Variants in PARP4 observed in about 807,000 individuals in gnomAD.
PARP4 encodes poly(ADP-ribose) polymerase family member 4.
A neutral mutation model predicts 187.7 loss-of-function variants in PARP4; 120 were observed. That is an observed-to-expected ratio of 0.64 (90% CI 0.55 to 0.74). The LOEUF (loss-of-function observed/expected upper bound fraction) is 0.74. Among genes scored for constraint, PARP4 ranks in the 30% least tolerant of loss-of-function variants. The probability of loss-of-function intolerance (pLI) is 0.00; values close to 1 mark genes in which losing one functional copy is unlikely to be tolerated. For missense variants in PARP4, 1,836 were observed against 2,070.5 expected, an observed-to-expected ratio of 0.89 and a Z score of 2.20; for synonymous variants, 654 against 740.9, an observed-to-expected ratio of 0.88 and a Z score of 1.90.
intron 23 of PARP4, 29 bp from the exon 24 acceptor site, chr13:24,452,622 T>A: frequency 1.3e-6 from 2 of 1,579,888 alleles, no homozygotes; most frequent in Non-Finnish European, 1.7e-6. Context: ...AAGATTATGT[T>A]CTCCTTGTTG....
At chr13:24,450,936 C>T (rs1354643294) in intron 24 of PARP4, among the ~76,000 whole-genome samples, 3 of 152,082 alleles carry the variant, frequency 2.0e-5, no homozygotes, top group Admixed American at 1.3e-4. Flanking sequence ...AGTGCAACTG[C>T]CTGACCATGG....
At chr13:24,498,287 C>T in intron 5 of PARP4, 58 bp from the exon 6 acceptor site, 1 of 986,986 alleles carries the variant, frequency 1.0e-6, no homozygotes, top group South Asian at 1.4e-5. Flanking sequence ...ACTACATGTG[C>T]CATTTGAAAA....
chr13:24,487,756 G>C (rs529017321), intron 10 of PARP4, among the ~76,000 whole-genome samples: 3 of 152,090 alleles, frequency 2.0e-5, no homozygotes, highest in East Asian at 1.9e-4. Flanking sequence ...TTGCTTCCCA[G>C]AACTCAGCAA....
At chr13:24,434,374 A>G in intron 31 of PARP4, 21 bp downstream of exon 31, 1 of 1,516,358 alleles carries the variant, frequency 6.6e-7, no homozygotes, top group South Asian at 1.3e-5. Flanking sequence ...CCACAGATTT[A>G]AGGAGAAATA....
intron 20 of PARP4, among the ~76,000 whole-genome samples, chr13:24,458,686 T>C (rs1872020469): frequency 6.6e-6 from 1 of 152,196 alleles, no homozygotes; most frequent in Non-Finnish European, 1.5e-5. Flanking sequence ...GAAACAGGTC[T>C]TTTGGAATGA....
chr13:24,479,543 T>C (rs543271404), intron 12 of PARP4, among the ~76,000 whole-genome samples: 3 of 152,236 alleles, frequency 2.0e-5, no homozygotes, highest in Admixed American at 6.5e-5. Context: ...AGTGCACCAA[T>C]TGACACTCTG....
intron 32 of PARP4, among the ~76,000 whole-genome samples, chr13:24,428,102 C>T (rs774312600): frequency 6.6e-6 from 1 of 152,122 alleles, no homozygotes; most frequent in Non-Finnish European, 1.5e-5. Flanking sequence ...GCTTGAGACT[C>T]TACGTCGAAG....
chr13:24,490,967 TG>T, intron 9 of PARP4, 139 bp from the exon 10 acceptor site: 1 of 770,682 alleles, frequency 1.3e-6, no homozygotes, highest in Non-Finnish European at 2.1e-6. Flanking sequence ...ATTTTTGAGA[TG>T]GGTCTTGCTC....
chr13:24,512,475 C>G (rs889801399), intron 1 of PARP4, among the ~76,000 whole-genome samples: 3 of 152,190 alleles, frequency 2.0e-5, no homozygotes, highest in Non-Finnish European at 4.4e-5. Context: ...CCCGGTTTCT[C>G]GTCACCAGGG....
chr13:24,484,472 A>G (rs1593637564), intron 12 of PARP4, among the ~76,000 whole-genome samples, 181 bp downstream of exon 12: 1 of 152,148 alleles, frequency 6.6e-6, no homozygotes, highest in Admixed American at 6.5e-5. Flanking sequence ...CATGTCTGGC[A>G]TAAGGGCAGA....
chr13:24,489,111 TCATGTA>T (rs2137527768), intron 10 of PARP4, among the ~76,000 whole-genome samples: 1 of 152,336 alleles, frequency 6.6e-6, no homozygotes, highest in East Asian at 1.9e-4. Flanking sequence ...CTATGAATAT[TCATGTA>T]CAAGTACCTA....
At chr13:24,437,837 G>A (rs112207959) in intron 30 of PARP4, among the ~76,000 whole-genome samples, 46,992 of 132,592 alleles carry the variant, frequency 0.35, 8,809 homozygotes, top group African/African-American at 0.41. Flanking sequence ...GTGACAGAGT[G>A]AGACTCCATC....
intron 14 of PARP4, among the ~76,000 whole-genome samples, chr13:24,476,078 C>T (rs1872968674): frequency 6.6e-6 from 1 of 152,086 alleles, no homozygotes; most frequent in Non-Finnish European, 1.5e-5. Context: ...TGAGACACTA[C>T]ACCTGGCCTG....
At chr13:24,500,627 T>C (rs561555356) in intron 3 of PARP4, among the ~76,000 whole-genome samples, 17 of 152,360 alleles carry the variant, frequency 1.1e-4, no homozygotes, top group Non-Finnish European at 2.4e-4. Flanking sequence ...TTGAAACTCA[T>C]TGATAGCCAT....
Position 24,453,693 on chromosome 13 carries a change from G to A in PARP4, c.2759-39C>T, listed in dbSNP as rs759587827. Reference sequence around the variant, plus strand: ...TCAGCATGAGGTGCTGCTTCCACACGTTCACTTGCTTGAGCACTAACAAAC... The same window carrying A: ...TCAGCATGAGGTGCTGCTTCCACACATTCACTTGCTTGAGCACTAACAAAC... On this transcript the variant is annotated intron_variant, in intron 22 of 33. Transcript: ENST00000381989. 4.0e-5 allele frequency: 46 copies of A among 1,139,932 alleles called. 2 individuals are homozygous for A. Among genetic ancestry groups the A allele is most frequent in the East Asian group, 2.3e-4 (10 of 42,690 alleles). 70.6% of individuals were successfully genotyped at this position (1,139,932 alleles called of 1,614,324 possible). A position where few individuals can be genotyped will look rare whatever the true frequency, so the allele number is the denominator to read the frequency against.
chr13:24,488,907 A>G (rs1868468993), intron 10 of PARP4, among the ~76,000 whole-genome samples: 1 of 152,250 alleles, frequency 6.6e-6, no homozygotes, highest in Non-Finnish European at 1.5e-5. Context: ...ACAGAATCGT[A>G]CAATATGTGG....
chr13:24,478,227 G>A lies in PARP4; in HGVS notation c.1498C>T (p.Leu500=), dbSNP rs139812929. The change falls in exon 13 of 34, where the codon CTG becomes TTG. Residue 500 remains leucine (L), a synonymous_variant. Coordinates refer to ENST00000381989, the MANE Select transcript of PARP4 (RefSeq NM_006437.4). ...CCGAGGGCTACGTCACAAATGAGCAGGAGTCTGGTGCCATCTGTCTCTCCC... is the reference window on the plus strand; with the variant it reads ...CCGAGGGCTACGTCACAAATGAGCAAGAGTCTGGTGCCATCTGTCTCTCCC... ...HPGETDGTRL[L]LICDVALGKC... The A allele has an allele frequency of 4.7e-5, 76 of 1,613,190 alleles. No individual in the cohort carries two copies. In the African/African-American group the frequency reaches 9.7e-4, roughly 21 times the overall value.
At chr13:24,506,409 G>A (rs560618830) in intron 1 of PARP4, among the ~76,000 whole-genome samples, 5 of 152,250 alleles carry the variant, frequency 3.3e-5, no homozygotes, top group African/African-American at 9.6e-5. Flanking sequence ...ACCCCAGCAG[G>A]TTGCCACTGC....
chr13:24,447,501 C>A (rs1392411664), intron 25 of PARP4, among the ~76,000 whole-genome samples: 1 of 152,158 alleles, frequency 6.6e-6, no homozygotes, highest in Non-Finnish European at 1.5e-5. Flanking sequence ...GCTGGGACTA[C>A]AGGCGTACAC....
Sources: gnomAD v4.1 joint callset for allele counts (sites outside exome capture counted in the v4.1 genomes callset) on GRCh38, gnomAD v4.1.1 for gene constraint, MANE v1.5 for transcripts, NCBI Gene and HGNC (gene_info 2026-07-23, HGNC 2026-07-21) for gene names.